Variants in MMS22L observed in about 807,000 individuals in gnomAD.
MMS22L encodes the protein protein MMS22-like.
In MMS22L, 74 loss-of-function variants were observed where a neutral mutation model predicts 159.1. That is an observed-to-expected ratio of 0.47 (90% confidence interval 0.39 to 0.56). The LOEUF (loss-of-function observed/expected upper bound fraction) is 0.56. Among genes scored for constraint, MMS22L ranks in the 20% least tolerant of loss-of-function variants. The probability of loss-of-function intolerance (pLI) is 0.00; values close to 1 mark genes in which losing one functional copy is unlikely to be tolerated. For synonymous variants in MMS22L, 517 were observed against 506.9 expected (o/e 1.02, Z -0.27); for missense variants, 1,351 against 1,422.1 (o/e 0.95, Z 0.80).
chr6:97,178,897 G>GA (rs1435414467), intron 17 of MMS22L, among the ~76,000 whole-genome samples: 1 of 152,044 alleles, frequency 6.6e-6, no homozygotes, highest in Non-Finnish European at 1.5e-5. Context: ...ATAGCTTTGG[G>GA]AAAAGACATG....
chr6:97,241,424 G>GT (rs1812056948), intron 11 of MMS22L, among the ~76,000 whole-genome samples: 2 of 152,176 alleles, frequency 1.3e-5, no homozygotes, highest in East Asian at 1.9e-4. Context: ...CACCAGCAAC[G>GT]TAAGTGTTTC....
intron 6 of MMS22L, 152 bp downstream of exon 6, chr6:97,272,552 A>G (rs550382076): frequency 3.2e-6 from 2 of 634,212 alleles, no homozygotes; most frequent in African/African-American, 3.7e-5. Flanking sequence ...AAAAGCACAC[A>G]ATTAATAAAA....
chr6:97,250,154 T>C (rs1310740551), intron 10 of MMS22L, among the ~76,000 whole-genome samples: 4 of 152,154 alleles, frequency 2.6e-5, no homozygotes, highest in African/African-American at 9.7e-5. Flanking sequence ...TTTTTCTACA[T>C]ACCAAGTTAA....
Position 97,168,093 on chromosome 6 carries a change from T to C in MMS22L, c.2987A>G (p.Lys996Arg). 6.2e-7 allele frequency: 1 copy of C among 1,610,800 alleles called. No homozygotes were observed. The highest frequency in any genetic ancestry group is 8.5e-7 in the Non-Finnish European group (1 of 1,178,630). ...LPAPMLSAIQ[K>R]SLPLYLQGMC... is the part of the protein sequence containing the mutation. ...TACCTGGAGATACAAAGGAAGACTT[T>C]TCTGAATTGCTGACAACATAGGTGC... The change falls in exon 20 of 25, where the codon AAA becomes AGA. Residue 996 changes from lysine to arginine, a missense_variant. Lys to Arg is a conservative substitution (Grantham distance 26, BLOSUM62 2). Transcript: ENST00000683635.
intron 4 of MMS22L, among the ~76,000 whole-genome samples, chr6:97,274,867 A>G (rs1163753462): frequency 6.6e-6 from 1 of 152,208 alleles, no homozygotes; most frequent in East Asian, 1.9e-4. Flanking sequence ...AAGCCAGGGA[A>G]TAGTTCAAGT....
At chr6:97,270,597 C>G (rs1260550799) in intron 6 of MMS22L, 2 of 178,844 alleles carry the variant, frequency 1.1e-5, no homozygotes, top group African/African-American at 4.8e-5. Flanking sequence ...TTTAGCATCA[C>G]TATAAAAATA....
At chr6:97,200,315 C>T (rs1807003580) in intron 14 of MMS22L, among the ~76,000 whole-genome samples, 1 of 152,030 alleles carries the variant, frequency 6.6e-6, no homozygotes, top group Admixed American at 6.6e-5. Flanking sequence ...CTATTTACCA[C>T]TTTTACTGTA....
chr6:97,191,545 G>T (rs1009131279), intron 14 of MMS22L, among the ~76,000 whole-genome samples: 1 of 149,978 alleles, frequency 6.7e-6, no homozygotes, highest in Non-Finnish European at 1.5e-5. Context: ...AGCAATAATT[G>T]AATTCTTTTA....
At chr6:97,275,001 C>T (rs1162470308) in intron 4 of MMS22L, among the ~76,000 whole-genome samples, 1 of 152,070 alleles carries the variant, frequency 6.6e-6, no homozygotes, top group Non-Finnish European at 1.5e-5. Context: ...AAAAGTCCTA[C>T]CAAAATTTAA....
chr6:97,149,729 C>T (rs1801132023), intron 24 of MMS22L, 124 bp downstream of exon 24: 1 of 976,448 alleles, frequency 1.0e-6, no homozygotes, highest in African/African-American at 1.7e-5. Flanking sequence ...AGTACTGAAA[C>T]ATTTTTCATC....
chr6:97,280,304 G>GAT (rs1272304192), intron 3 of MMS22L, among the ~76,000 whole-genome samples: 1 of 151,994 alleles, frequency 6.6e-6, no homozygotes, highest in Non-Finnish European at 1.5e-5. Flanking sequence ...TGTCTTAAAT[G>GAT]ATAATGAAGA....
At chr6:97,151,914 T>A in intron 22 of MMS22L, 47 bp from the exon 23 acceptor site, 1 of 1,407,584 alleles carries the variant, frequency 7.1e-7, no homozygotes, top group Non-Finnish European at 1.0e-6. Flanking sequence ...GAATTGACCA[T>A]CTGGATCCTC....
chr6:97,252,985 T>C (rs1813401618), intron 10 of MMS22L, among the ~76,000 whole-genome samples: 1 of 152,234 alleles, frequency 6.6e-6, no homozygotes, highest in Admixed American at 6.5e-5. Flanking sequence ...CTAAAATTTA[T>C]TATTTACTCT....
At chr6:97,251,316 A>T (rs1813210666) in intron 10 of MMS22L, among the ~76,000 whole-genome samples, 1 of 152,190 alleles carries the variant, frequency 6.6e-6, no homozygotes, top group Non-Finnish European at 1.5e-5. Context: ...CAATTTCTTT[A>T]CCTGTAAAAT....
intron 11 of MMS22L, among the ~76,000 whole-genome samples, chr6:97,241,308 A>T (rs1366686540): frequency 1.3e-5 from 2 of 152,188 alleles, no homozygotes. Flanking sequence ...TTTCATCTGG[A>T]GAGACACCTA....
intron 10 of MMS22L, among the ~76,000 whole-genome samples, chr6:97,250,260 T>C (rs923248712): frequency 6.6e-6 from 1 of 152,160 alleles, no homozygotes; most frequent in Non-Finnish European, 1.5e-5. Flanking sequence ...ATTTAAACGT[T>C]AGTATAGGTA....
intron 9 of MMS22L, chr6:97,262,105 A>C (rs1562518821): frequency 6.6e-6 from 1 of 152,172 alleles, no homozygotes; most frequent in Admixed American, 6.5e-5. Flanking sequence ...AGTTTTATGG[A>C]TAACTGGTGT....
intron 19 of MMS22L, 106 bp downstream of exon 19, chr6:97,172,957 G>T: frequency 1.9e-6 from 2 of 1,039,654 alleles, no homozygotes; most frequent in Non-Finnish European, 2.7e-6. Context: ...TTACTCTTAT[G>T]ATTGTATGGA....
chr6:97,156,648 C>T (rs1441487506), intron 22 of MMS22L, among the ~76,000 whole-genome samples: 2 of 152,058 alleles, frequency 1.3e-5, no homozygotes, highest in Non-Finnish European at 2.9e-5. Context: ...ATTTCTGAGG[C>T]CTCTGCTCTG....
Sources: gnomAD v4.1 joint callset for allele counts (sites outside exome capture counted in the v4.1 genomes callset) on GRCh38, gnomAD v4.1.1 for gene constraint, MANE v1.5 for transcripts, NCBI Gene and HGNC (gene_info 2026-07-23, HGNC 2026-07-21) for gene names.